SENP2: variants seen among roughly 807,000 people sequenced by gnomAD.
SENP2 encodes the protein SUMO specific peptidase 2, also known as sentrin-specific protease 2.
SENP2 carries 16 observed loss-of-function variants against 86.3 expected under a neutral mutation model. The ratio of observed to expected loss-of-function variants is 0.19; its 90% CI spans 0.13 to 0.28. The LOEUF (loss-of-function observed/expected upper bound fraction) is 0.28. Ranked by LOEUF, SENP2 falls within the 10% of genes least tolerant of loss-of-function variation. The pLI is 1.00. For synonymous variants in SENP2, 222 were observed against 238.7 expected (o/e 0.93, Z 0.64); for missense variants, 552 against 703.0 (o/e 0.79, Z 2.43).
intron 5 of SENP2, 150 bp from the exon 6 acceptor site, chr3:185,606,180 A>G (rs1688731555): frequency 3.3e-6 from 2 of 605,710 alleles, no homozygotes; most frequent in African/African-American, 1.9e-5. Context: ...CTCTAGGGAT[A>G]GATCTAACTT....
intron 7 of SENP2, among the ~76,000 whole-genome samples, 161 bp downstream of exon 7, chr3:185,609,511 A>T (rs1356507534): frequency 1.3e-5 from 2 of 152,180 alleles, no homozygotes; most frequent in Non-Finnish European, 2.9e-5. Context: ...GATAATATGT[A>T]ACAGTGGTTT....
At chr3:185,621,156 C>CA (rs1206042436) in intron 13 of SENP2, among the ~76,000 whole-genome samples, 745 of 38,828 alleles carry the variant, frequency 0.019, 5 homozygotes, top group East Asian at 0.063. Context: ...GATCTTGTCT[C>CA]AAAAAAAAAA....
chr3:185,594,729 C>T (rs1056307670), intron 2 of SENP2, among the ~76,000 whole-genome samples: 1 of 151,824 alleles, frequency 6.6e-6, no homozygotes, highest in African/African-American at 2.4e-5. Flanking sequence ...AAGCGATTCT[C>T]CTGCCTCAGT....
chr3:185,628,439 A>G (rs913137482), intron 16 of SENP2, among the ~76,000 whole-genome samples: 1 of 151,458 alleles, frequency 6.6e-6, no homozygotes, highest in African/African-American at 2.4e-5. Context: ...GCCCGGTGAC[A>G]TCACTAGTTT....
intron 13 of SENP2, among the ~76,000 whole-genome samples, chr3:185,621,386 C>CTTTTTTTTTTTTTTT (rs1220771289): frequency 5.2e-4 from 41 of 78,768 alleles, no homozygotes; most frequent in African/African-American, 7.2e-4. Context: ...TCTTTTTTTT[C>CTTTTTTTTTTTTTTT]TTTTTTTTTT....
At chr3:185,587,858 C>T (rs1721846155) in intron 1 of SENP2, among the ~76,000 whole-genome samples, 2 of 150,978 alleles carry the variant, frequency 1.3e-5, no homozygotes, top group East Asian at 2.0e-4. Flanking sequence ...CCTCAGCCTC[C>T]GGAATAGCTG....
At chr3:185,599,079 T>C in intron 4 of SENP2, 55 bp downstream of exon 4, 7 of 1,287,376 alleles carry the variant, frequency 5.4e-6, no homozygotes, top group South Asian at 1.3e-5. Context: ...CCCATTTTTT[T>C]CCTACATTTT....
intron 11 of SENP2, 48 bp downstream of exon 11, chr3:185,614,788 C>A: frequency 6.4e-7 from 1 of 1,560,416 alleles, no homozygotes; most frequent in Non-Finnish European, 8.8e-7. Context: ...CTTTAAATAA[C>A]CTCAGTTATT....
At chr3:185,602,069 C>T (rs1009479885) in intron 5 of SENP2, among the ~76,000 whole-genome samples, 12 of 152,092 alleles carry the variant, frequency 7.9e-5, no homozygotes, top group Non-Finnish European at 1.6e-4. Flanking sequence ...TATAAGGATG[C>T]AAAATCTTTC....
chr3:185,590,089 A>ATT, intron 1 of SENP2, 25 bp from the exon 2 acceptor site: 2 of 1,313,742 alleles, frequency 1.5e-6, no homozygotes, highest in Non-Finnish European at 2.1e-6. Flanking sequence ...CTATATATAT[A>ATT]TATTTTTTTC....
rs1321430966 is a variant in SENP2 at position 185,621,305 on chromosome 3, A to T, written c.1447-521A>T. ...AACTTAAAAACACACTTTTTTTACT[A>T]AAGATACGTAAGACACATTTTTAAC... On this transcript the variant is annotated intron_variant, in intron 13 of 16. Coordinates refer to ENST00000296257, the MANE Select transcript of SENP2 (RefSeq NM_021627.3). Among the ~76,000 whole-genome samples the T allele has an allele frequency of 3.4e-5, 5 of 146,934 alleles. No individual in the cohort carries two copies. The East Asian group carries it at 7.8e-4, about 23-fold the overall frequency.
intron 15 of SENP2, among the ~76,000 whole-genome samples, chr3:185,624,832 C>T (rs1712065668): frequency 6.7e-6 from 1 of 149,300 alleles, no homozygotes; most frequent in Non-Finnish European, 1.5e-5. Flanking sequence ...CGCACCACTG[C>T]ACTCCAGCCT....
Position 185,630,382 on chromosome 3 carries a change from C to T in SENP2, c.*538C>T, listed in dbSNP as rs1712364117. 1 of 152,608 alleles carries T rather than the reference C, an allele frequency of 6.6e-6. No homozygotes were observed. Among genetic ancestry groups the T allele is most frequent in the African/African-American group, 2.4e-5 (1 of 41,468 alleles). 9.5% of individuals were successfully genotyped at this position (152,608 alleles called of 1,614,324 possible). On this transcript the variant is annotated 3_prime_UTR_variant, in exon 17 of 17. Transcript: ENST00000296257. The stretch of plus-strand genomic sequence containing the variant: ...GAAGGAAGTGGAGCTGGAGCAGTAA[C>T]TGCCAACATGAAGCTGGAGGGTTTG...
rs1265432583 is a variant in SENP2, at chr3:185,586,973, GT to G, written c.101+460del. Reference sequence around the variant, plus strand: ...GCACCTGTTTTGTTCCAAAACAGCTGTCAAACAGTCTGTGTGTTTGGGGCCA... The same window carrying G: ...GCACCTGTTTTGTTCCAAAACAGCTGCAAACAGTCTGTGTGTTTGGGGCCA... On this transcript the variant is annotated intron_variant, in intron 1 of 16. Transcript: ENST00000296257. The surrounding 1 kb of genome is among the most constrained non-coding windows in gnomAD (Gnocchi z 4.3). Among the ~76,000 whole-genome samples the G allele has an allele frequency of 6.6e-6, 1 of 152,154 alleles. No individual in the cohort carries two copies. Among genetic ancestry groups the G allele is most frequent in the Non-Finnish European group, 1.5e-5 (1 of 68,022 alleles).
At chr3:185,614,803 C>T in intron 11 of SENP2, 63 bp downstream of exon 11, 1 of 1,512,240 alleles carries the variant, frequency 6.6e-7, no homozygotes, top group East Asian at 2.3e-5. Flanking sequence ...GTTATTCTAA[C>T]TTGAATGTTT....
chr3:185,601,549 A>G (rs1722345736), intron 5 of SENP2, among the ~76,000 whole-genome samples: 1 of 151,346 alleles, frequency 6.6e-6, no homozygotes, highest in African/African-American at 2.4e-5. Flanking sequence ...TAGTTTTCTT[A>G]CTTTCCTTTG....
rs367866105 is a variant in SENP2 at position 185,586,384 on chromosome 3, T to C, written c.-30T>C. 8.7e-6 allele frequency: 14 copies of C among 1,612,372 alleles called. No individual in the cohort carries two copies. Among genetic ancestry groups the C allele is most frequent in the African/African-American group, 2.7e-5 (2 of 74,894 alleles). ...GCTCTGGGGTTTGCGTCTCGGGGTG[T>C]GTCGGCCGCCGCTGCTGCTTGGGCC... On this transcript the variant is annotated 5_prime_UTR_variant, in exon 1 of 17. Coordinates refer to ENST00000296257, the MANE Select transcript of SENP2 (RefSeq NM_021627.3). This position sits in a 1 kb window ranked among gnomAD's most constrained non-coding sequence, Gnocchi z 4.3.
chr3:185,625,859 ACCT>A (rs1322581195), intron 15 of SENP2, among the ~76,000 whole-genome samples: 1 of 152,072 alleles, frequency 6.6e-6, no homozygotes, highest in African/African-American at 2.4e-5. Context: ...CTGGTAGTAA[ACCT>A]CCTTTCAGTT....
rs1339680694 is a variant in SENP2, at chr3:185,633,383, C to T, written c.*3539C>T. The T allele has an allele frequency of 7.6e-6, 1 of 130,778 alleles. No homozygotes were observed. The highest frequency in any genetic ancestry group is 2.9e-5 in the African/African-American group (1 of 34,306). The allele number at this position is 130,778 out of a possible 1,614,324, so 8.1% of individuals were successfully genotyped here. A position where few individuals can be genotyped will look rare whatever the true frequency, so the allele number is the denominator to read the frequency against. On this transcript the variant is annotated 3_prime_UTR_variant, in exon 17 of 17. Coordinates refer to ENST00000296257, the MANE Select transcript of SENP2 (RefSeq NM_021627.3). ...CTGAAGCACCTGATATTCAAACAAA[C>T]TTATGGTACTTACTAACTCATTTGT...
Sources: gnomAD v4.1 joint callset for allele counts (sites outside exome capture counted in the v4.1 genomes callset) on GRCh38, gnomAD v4.1.1 for gene constraint, Gnocchi (gnomAD v3.1) non-coding constraint, MANE v1.5 for transcripts, NCBI Gene and HGNC (gene_info 2026-07-23, HGNC 2026-07-21) for gene names.